The following TMEM135 variants were observed in gnomAD, a reference collection of about 807,000 sequenced individuals.
TMEM135 encodes the protein peroxisomal membrane protein 52.
In TMEM135, 30 loss-of-function variants were observed where a neutral mutation model predicts 60.3. The observed-to-expected ratio is 0.50, with a 90% CI of 0.37 to 0.68. The LOEUF is 0.68. Ranked by LOEUF, TMEM135 falls within the 30% of genes least tolerant of loss-of-function variation. The pLI is 0.00. For synonymous variants in TMEM135, 190 were observed against 186.7 expected, an observed-to-expected ratio of 1.02 and a Z score of -0.14; for missense variants, 468 against 548.8, an observed-to-expected ratio of 0.85 and a Z score of 1.47.
intron 4 of TMEM135, among the ~76,000 whole-genome samples, chr11:87,107,705 A>G (rs1857634439): frequency 6.6e-6 from 1 of 152,146 alleles, no homozygotes; most frequent in Admixed American, 6.5e-5. Flanking sequence ...GCTATTGTGA[A>G]TAGTGCCACA....
intron 5 of TMEM135, among the ~76,000 whole-genome samples, chr11:87,223,849 A>AAAAG (rs142297718): frequency 0.47 from 71,225 of 150,048 alleles, 18,069 homozygotes; most frequent in Non-Finnish European, 0.58. Flanking sequence ...GACTGTCTAA[A>AAAAG]AAAGAAAGAA....
chr11:87,226,680 T>TGC (rs1183273295), intron 5 of TMEM135, among the ~76,000 whole-genome samples: 1 of 152,226 alleles, frequency 6.6e-6, no homozygotes, highest in African/African-American at 2.4e-5. Context: ...CTAACATATC[T>TGC]GCTTCTACAA....
intron 4 of TMEM135, among the ~76,000 whole-genome samples, chr11:87,144,313 CT>C (rs1480399320): frequency 1.3e-5 from 2 of 152,020 alleles, no homozygotes; most frequent in African/African-American, 4.8e-5. Context: ...GGTTAGCATG[CT>C]TTTTTTTCTA....
chr11:87,239,233 CTT>C (rs1295961478), intron 6 of TMEM135, among the ~76,000 whole-genome samples: 4 of 151,998 alleles, frequency 2.6e-5, no homozygotes, highest in South Asian at 2.1e-4. Flanking sequence ...AAAATAAACA[CTT>C]TTAATTTTCT....
intron 6 of TMEM135, among the ~76,000 whole-genome samples, chr11:87,284,241 A>G (rs147937327): frequency 2.6e-5 from 4 of 152,186 alleles, no homozygotes; most frequent in African/African-American, 7.2e-5. Context: ...TTTTACAACT[A>G]TTTTAAAGTT....
At chr11:87,266,611 A>G (rs949257397) in intron 6 of TMEM135, among the ~76,000 whole-genome samples, 1 of 152,062 alleles carries the variant, frequency 6.6e-6, no homozygotes, top group Admixed American at 6.6e-5. Context: ...ACTACTATCT[A>G]ATGTAATAGG....
intron 5 of TMEM135, among the ~76,000 whole-genome samples, chr11:87,203,814 T>C (rs1940175623): frequency 6.6e-6 from 1 of 152,216 alleles, no homozygotes; most frequent in South Asian, 2.1e-4. Context: ...TACCATTTAG[T>C]ATTTCCATCA....
chr11:87,066,927 CCCA>C, intron 1 of TMEM135, among the ~76,000 whole-genome samples: 1 of 150,930 alleles, frequency 6.6e-6, no homozygotes, highest in East Asian at 1.9e-4. Flanking sequence ...ACTACAGGCG[CCCA>C]CCACCACGCC....
At chr11:87,147,742 T>A (rs1468763579) in intron 4 of TMEM135, among the ~76,000 whole-genome samples, 1 of 152,152 alleles carries the variant, frequency 6.6e-6, no homozygotes, top group Non-Finnish European at 1.5e-5. Context: ...GCACTGTTCT[T>A]AAAAACAGTC....
At chr11:87,312,780 G>C (rs1942663587) in intron 10 of TMEM135, among the ~76,000 whole-genome samples, 1 of 151,904 alleles carries the variant, frequency 6.6e-6, no homozygotes, top group African/African-American at 2.4e-5. Flanking sequence ...TAGCAGGCCA[G>C]ATTTGGCTAG....
chr11:87,201,525 A>T (rs891085179), intron 5 of TMEM135, among the ~76,000 whole-genome samples: 19 of 152,202 alleles, frequency 1.2e-4, no homozygotes, highest in African/African-American at 4.6e-4. Context: ...TCTTGTGATT[A>T]TACAGCTCTC....
At chr11:87,232,962 C>T (rs1030074423) in intron 5 of TMEM135, among the ~76,000 whole-genome samples, 4 of 152,142 alleles carry the variant, frequency 2.6e-5, no homozygotes, top group African/African-American at 9.7e-5. Context: ...ACCAGCCTGG[C>T]TGACATGGTG....
intron 4 of TMEM135, among the ~76,000 whole-genome samples, chr11:87,094,521 C>T (rs565821315): frequency 6.6e-6 from 1 of 152,144 alleles, no homozygotes; most frequent in African/African-American, 2.4e-5. Flanking sequence ...ATTCCCTCCG[C>T]CTAGTCTTTC....
chr11:87,159,593 G>GCGCACACACACACACACA lies in TMEM135; in HGVS notation c.462+2188_462+2189insGCACACACACACACACAC, dbSNP rs56665411. On this transcript the variant is annotated intron_variant, in intron 5 of 14. Transcript: ENST00000305494. ...AAGATACTACTGAATACACACACGC[G>GCGCACACACACACACACA]CACACACACACACACACACACACAC... Among the ~76,000 whole-genome samples the GCGCACACACACACACACA allele has an allele frequency of 6.2e-3, 777 of 124,932 alleles. 7 individuals are homozygous for GCGCACACACACACACACA. Among genetic ancestry groups the GCGCACACACACACACACA allele is most frequent in the African/African-American group, 0.017 (585 of 35,198 alleles). 82.0% of individuals were successfully genotyped at this position (124,932 alleles called of 152,430 possible).
chr11:87,039,506 T>G (rs1364930983), intron 1 of TMEM135, among the ~76,000 whole-genome samples: 1 of 152,236 alleles, frequency 6.6e-6, no homozygotes, highest in Non-Finnish European at 1.5e-5. Flanking sequence ...TGATTTTCTT[T>G]GGCAAAGATT....
At chr11:87,185,509 G>GT (rs60110548) in intron 5 of TMEM135, among the ~76,000 whole-genome samples, 13 of 150,930 alleles carry the variant, frequency 8.6e-5, no homozygotes, top group African/African-American at 1.2e-4. Context: ...CATATGTGGT[G>GT]TTTTTTTTTC....
At chr11:87,169,901 A>G (rs1939183677) in intron 5 of TMEM135, among the ~76,000 whole-genome samples, 1 of 152,088 alleles carries the variant, frequency 6.6e-6, no homozygotes, top group African/African-American at 2.4e-5. Context: ...GTGTTTTCAA[A>G]CCTGGTTCCA....
intron 5 of TMEM135, among the ~76,000 whole-genome samples, chr11:87,197,874 ATTAAT>A (rs1939996639): frequency 6.6e-6 from 1 of 152,120 alleles, no homozygotes; most frequent in Non-Finnish European, 1.5e-5. Flanking sequence ...AAACAGTTAA[ATTAAT>A]TCCATCTCAA....
intron 4 of TMEM135, among the ~76,000 whole-genome samples, chr11:87,157,042 C>T (rs1245307727): frequency 4.0e-5 from 6 of 149,642 alleles, no homozygotes; most frequent in Admixed American, 1.3e-4. Flanking sequence ...TCTCTAGTTG[C>T]GTTGCATTTC....
Sources: allele counts gnomAD v4.1 joint callset (sites outside exome capture counted in the v4.1 genomes callset), GRCh38; gene constraint gnomAD v4.1.1; transcripts MANE v1.5; gene names NCBI Gene and HGNC (gene_info 2026-07-23, HGNC 2026-07-21).